NCKAP5: variants seen among roughly 807,000 people sequenced by gnomAD.
The protein encoded by NCKAP5 is nck-associated protein 5.
NCKAP5 carries 92 observed loss-of-function variants against 167.0 expected under a neutral mutation model. The ratio of observed to expected loss-of-function variants is 0.55; its 90% CI spans 0.47 to 0.66. The LOEUF (loss-of-function observed/expected upper bound fraction) is 0.66, where lower values mean the gene tolerates loss of function less well. Ranked by LOEUF, NCKAP5 falls within the 30% of genes least tolerant of loss-of-function variation. NCKAP5 has a pLI of 0.00. For missense variants in NCKAP5, 2,378 were observed against 2,315.0 expected, an observed-to-expected ratio of 1.03 and a Z score of -0.56; for synonymous variants, 891 against 877.4, an observed-to-expected ratio of 1.02 and a Z score of -0.27.
intron 8 of NCKAP5, among the ~76,000 whole-genome samples, chr2:132,891,099 G>T (rs1355197005): frequency 6.6e-6 from 1 of 152,168 alleles, no homozygotes; most frequent in African/African-American, 2.4e-5. Flanking sequence ...CTGTCCACAG[G>T]TTCATTTTTG....
rs549797214 is a variant in NCKAP5, at chr2:133,050,345, C to T, written c.342-56106G>A. On this transcript the variant is annotated intron_variant, in intron 6 of 19. Transcript: ENST00000409261. ...AAAAAAAATGGGGGAGAAAACAACC[C>T]TGTTGGAAAAGGAATGACTAGGAAT... Among the ~76,000 whole-genome samples the T allele has an allele frequency of 5.9e-5, 9 of 151,950 alleles. 1 individual carries two copies. Among genetic ancestry groups the T allele is most frequent in the Admixed American group, 5.9e-4 (9 of 15,266 alleles).
intron 19 of NCKAP5, among the ~76,000 whole-genome samples, chr2:132,724,812 C>A (rs1690287928): frequency 6.6e-6 from 1 of 152,022 alleles, no homozygotes; most frequent in South Asian, 2.1e-4. Context: ...CCCTCCCTCC[C>A]CCAACGCAAA....
At chr2:132,809,373 G>A (rs1158797470) in intron 11 of NCKAP5, among the ~76,000 whole-genome samples, 1 of 152,098 alleles carries the variant, frequency 6.6e-6, no homozygotes, top group African/African-American at 2.4e-5. Flanking sequence ...GAGTATTGAA[G>A]TCCCTCACTA....
At chr2:132,995,357 A>C (rs1474885021) in intron 6 of NCKAP5, among the ~76,000 whole-genome samples, 1 of 152,204 alleles carries the variant, frequency 6.6e-6, no homozygotes, top group Admixed American at 6.5e-5. Flanking sequence ...ATTGTTTTAA[A>C]AAACATTTTT....
At chr2:132,743,206 T>C (rs984134589) in intron 16 of NCKAP5, among the ~76,000 whole-genome samples, 2 of 151,862 alleles carry the variant, frequency 1.3e-5, no homozygotes. Flanking sequence ...AGATGGTTTC[T>C]AGACTGAAAC....
At chr2:133,159,492 G>A (rs1461539483) in intron 5 of NCKAP5, among the ~76,000 whole-genome samples, 1 of 152,188 alleles carries the variant, frequency 6.6e-6, no homozygotes, top group South Asian at 2.1e-4. Context: ...AATGTAGACT[G>A]TTTGCTATGG....
chr2:132,833,250 C>G (rs1687646774), intron 11 of NCKAP5, among the ~76,000 whole-genome samples: 1 of 152,014 alleles, frequency 6.6e-6, no homozygotes, highest in African/African-American at 2.4e-5. Flanking sequence ...GTTTGAGTTT[C>G]TTGTATATTC....
intron 19 of NCKAP5, among the ~76,000 whole-genome samples, chr2:132,688,437 G>A (rs1056835208): frequency 6.6e-6 from 1 of 152,088 alleles, no homozygotes; most frequent in Non-Finnish European, 1.5e-5. Flanking sequence ...TTATTTTCAG[G>A]TAATAATCAT....
chr2:133,445,526 A>C (rs1402093575), intron 3 of NCKAP5, among the ~76,000 whole-genome samples: 1 of 152,148 alleles, frequency 6.6e-6, no homozygotes, highest in African/African-American at 2.4e-5. Context: ...CAAACTCTAA[A>C]TCCTTCCCTT....
chr2:133,115,779 A>ATATATC (rs2082055748), intron 6 of NCKAP5, among the ~76,000 whole-genome samples: 1 of 49,390 alleles, frequency 2.0e-5, no homozygotes, highest in Non-Finnish European at 3.5e-5. Flanking sequence ...GTGTGTGTAT[A>ATATATC]TATATATATA....
In NCKAP5 at chr2:133,432,419, C is replaced by A. The variant is rs555458808; in HGVS notation, c.69+85039G>T. On this transcript the variant is annotated intron_variant, in intron 3 of 19. Coordinates refer to ENST00000409261, the MANE Select transcript of NCKAP5 (RefSeq NM_207363.3). ...TCCCGTCTCCTGGTAGCACGGATCA[C>A]TGAAGTGCTTTGAGAACCCCTTCCT... Among the ~76,000 whole-genome samples the A allele has an allele frequency of 5.9e-5, 9 of 152,292 alleles. No homozygotes were observed. In the East Asian group the frequency reaches 1.7e-3, roughly 29 times the overall value.
intron 11 of NCKAP5, among the ~76,000 whole-genome samples, chr2:132,824,207 C>G (rs919686581): frequency 6.6e-6 from 1 of 152,202 alleles, no homozygotes; most frequent in Non-Finnish European, 1.5e-5. Flanking sequence ...TCTTACATAG[C>G]CAAATGTCCA....
chr2:133,270,444 A>C (rs1489255613), intron 4 of NCKAP5, among the ~76,000 whole-genome samples: 1 of 152,226 alleles, frequency 6.6e-6, no homozygotes, highest in Non-Finnish European at 1.5e-5. Context: ...ATGTAAATAA[A>C]GATCACCAAT....
intron 6 of NCKAP5, among the ~76,000 whole-genome samples, chr2:133,006,197 T>C (rs1036341036): frequency 6.6e-6 from 1 of 152,004 alleles, no homozygotes; most frequent in African/African-American, 2.4e-5. Flanking sequence ...AGGTCGAGGT[T>C]GCAGTGAGCC....
chr2:133,024,860 C>CT (rs1276827927), intron 6 of NCKAP5, among the ~76,000 whole-genome samples: 2 of 152,216 alleles, frequency 1.3e-5, no homozygotes, highest in African/African-American at 4.8e-5. Context: ...TCCCAGCTGC[C>CT]TAGCATGTGT....
chr2:133,045,044 G>A (rs140986887), intron 6 of NCKAP5, among the ~76,000 whole-genome samples: 1 of 149,546 alleles, frequency 6.7e-6, no homozygotes, highest in East Asian at 2.0e-4. Flanking sequence ...ACAAAGCAAG[G>A]CTCTGTAGAA....
intron 4 of NCKAP5, among the ~76,000 whole-genome samples, chr2:133,288,736 G>A (rs538876925): frequency 6.6e-6 from 1 of 152,204 alleles, no homozygotes; most frequent in Non-Finnish European, 1.5e-5. Context: ...GGAAGGTTTG[G>A]TGCCAAGAGA....
At chr2:132,767,837 G>A (rs1227802085) in intron 16 of NCKAP5, among the ~76,000 whole-genome samples, 1 of 152,248 alleles carries the variant, frequency 6.6e-6, no homozygotes, top group Non-Finnish European at 1.5e-5. Context: ...GAAGAATGGA[G>A]GAAGGACAAT....
At chr2:133,007,320 T>C (rs1427880846) in intron 6 of NCKAP5, among the ~76,000 whole-genome samples, 1 of 152,240 alleles carries the variant, frequency 6.6e-6, no homozygotes, top group African/African-American at 2.4e-5. Flanking sequence ...CCAGGCTATC[T>C]GAATTGTAAA....
Sources: gnomAD v4.1 joint callset for allele counts (sites outside exome capture counted in the v4.1 genomes callset) on GRCh38, gnomAD v4.1.1 for gene constraint, MANE v1.5 for transcripts, NCBI Gene and HGNC (gene_info 2026-07-23, HGNC 2026-07-21) for gene names.